Variants in NEK11 observed in about 807,000 individuals in gnomAD.
The protein encoded by NEK11 is serine/threonine-protein kinase Nek11.
Under a neutral mutation model 80.7 loss-of-function variants are expected in NEK11, and 72 were observed. The ratio of observed to expected loss-of-function variants is 0.89; its 90% CI spans 0.74 to 1.08. The LOEUF is 1.08. NEK11 is among the 50% of genes least tolerant of loss of function. The pLI is 0.00. For missense variants in NEK11, 764 were observed against 763.6 expected (o/e 1.00, Z -0.01); for synonymous variants, 251 against 260.7 (o/e 0.96, Z 0.36).
chr3:131,123,754 TG>T (rs773492008), intron 5 of NEK11, among the ~76,000 whole-genome samples: 2 of 152,096 alleles, frequency 1.3e-5, no homozygotes, highest in Non-Finnish European at 2.9e-5. Flanking sequence ...CCAAGTCTTC[TG>T]GTGGGCTCCT....
chr3:131,287,471 G>A (rs966887687), intron 17 of NEK11, among the ~76,000 whole-genome samples: 1 of 151,964 alleles, frequency 6.6e-6, no homozygotes, highest in Admixed American at 6.6e-5. Context: ...ATGGGGTTTC[G>A]CCATGTTGGC....
chr3:131,123,588 A>G (rs190104400), intron 5 of NEK11, among the ~76,000 whole-genome samples: 2 of 152,248 alleles, frequency 1.3e-5, no homozygotes, highest in South Asian at 2.1e-4. Context: ...AACATATTGT[A>G]TGCCTTATTC....
At chr3:131,205,740 CT>C (rs1263399723) in intron 14 of NEK11, among the ~76,000 whole-genome samples, 1 of 152,162 alleles carries the variant, frequency 6.6e-6, no homozygotes, top group East Asian at 1.9e-4. Context: ...AAAGTTAGGC[CT>C]TGTGGACCTC....
intron 3 of NEK11, among the ~76,000 whole-genome samples, chr3:131,055,360 G>A (rs2069263844): frequency 6.6e-6 from 1 of 152,142 alleles, no homozygotes; most frequent in Non-Finnish European, 1.5e-5. Context: ...TCTCAGGGAG[G>A]GGACAGTCTA....
chr3:131,302,079 A>G (rs184078209), intron 17 of NEK11, among the ~76,000 whole-genome samples: 4 of 152,024 alleles, frequency 2.6e-5, no homozygotes, highest in East Asian at 1.9e-4. Flanking sequence ...TCCTGGTTCA[A>G]TGTTGGGAGG....
chr3:131,176,982 A>G (rs528197413), intron 14 of NEK11, among the ~76,000 whole-genome samples: 3 of 152,368 alleles, frequency 2.0e-5, no homozygotes, highest in South Asian at 4.1e-4. Flanking sequence ...AGAAAATTAA[A>G]TAAGTATCAA....
At chr3:131,226,828 G>GTTCTA (rs2095214180) in intron 14 of NEK11, among the ~76,000 whole-genome samples, 1 of 152,002 alleles carries the variant, frequency 6.6e-6, no homozygotes, top group Non-Finnish European at 1.5e-5. Context: ...AGGTATTGAA[G>GTTCTA]TTCTATATGC....
intron 3 of NEK11, among the ~76,000 whole-genome samples, chr3:131,064,344 C>T (rs1311346742): frequency 6.6e-6 from 1 of 152,120 alleles, no homozygotes; most frequent in African/African-American, 2.4e-5. Flanking sequence ...TGATTTTTTT[C>T]TGAGGCTGCT....
chr3:131,050,916 G>A (rs1349772300), intron 3 of NEK11, among the ~76,000 whole-genome samples: 1 of 152,122 alleles, frequency 6.6e-6, no homozygotes, highest in Non-Finnish European at 1.5e-5. Context: ...GTCTGTCCCA[G>A]CTACTCGGAA....
chr3:131,161,043 C>T (rs1331278843), intron 10 of NEK11, among the ~76,000 whole-genome samples: 3 of 150,466 alleles, frequency 2.0e-5, no homozygotes, highest in South Asian at 2.1e-4. Flanking sequence ...ATTAGCTGGG[C>T]GTGGTAGCGT....
intron 4 of NEK11, among the ~76,000 whole-genome samples, chr3:131,108,252 T>C (rs554439103): frequency 6.6e-6 from 1 of 152,262 alleles, no homozygotes; most frequent in South Asian, 2.1e-4. Flanking sequence ...CCTCATATTG[T>C]TTCATTAGAA....
In NEK11 at chr3:131,132,727, CT is replaced by C; in HGVS notation, c.456-12del. On this transcript the variant is annotated splice_polypyrimidine_tract_variant and intron_variant, in intron 5 of 17. Transcript: ENST00000383366. The stretch of plus-strand genomic sequence containing the variant: ...TTATATTCTGCATGAAGTTGTATAT[CT>C]TTTTTGCCTTTTGTAGGAGGATACT... The C allele has an allele frequency of 7.1e-6, 10 of 1,406,182 alleles. No homozygotes were observed. Among genetic ancestry groups the C allele is most frequent in the Middle Eastern group, 1.8e-4 (1 of 5,598 alleles). The allele number at this position is 1,406,182 out of a possible 1,614,324, so 87.1% of individuals were successfully genotyped here. A position where few individuals can be genotyped will look rare whatever the true frequency, so the allele number is the denominator to read the frequency against.
intron 10 of NEK11, among the ~76,000 whole-genome samples, chr3:131,160,166 AG>A (rs2091340327): frequency 6.6e-6 from 1 of 152,210 alleles, no homozygotes; most frequent in South Asian, 2.1e-4. Flanking sequence ...AAAATTTTAA[AG>A]GCAGTTGGAG....
At chr3:131,201,859 G>C (rs1198117604) in intron 14 of NEK11, among the ~76,000 whole-genome samples, 1 of 152,000 alleles carries the variant, frequency 6.6e-6, no homozygotes, top group Non-Finnish European at 1.5e-5. Flanking sequence ...TTTTGAGACA[G>C]AGTCTCGTTC....
At chr3:131,162,967 A>G (rs916415982) in intron 11 of NEK11, among the ~76,000 whole-genome samples, 2 of 152,332 alleles carry the variant, frequency 1.3e-5, no homozygotes, top group African/African-American at 4.8e-5. Flanking sequence ...GAAGAAGTAG[A>G]CTGGAAACAG....
intron 17 of NEK11, among the ~76,000 whole-genome samples, chr3:131,296,901 A>AAT (rs2096599875): frequency 2.6e-5 from 4 of 151,432 alleles, no homozygotes; most frequent in Non-Finnish European, 5.9e-5. Context: ...TATGAGTGAG[A>AAT]ATATGCCGTG....
intron 14 of NEK11, chr3:131,184,663 C>A: frequency 3.1e-6 from 2 of 641,944 alleles, no homozygotes; most frequent in Non-Finnish European, 4.6e-6. Flanking sequence ...TTGTGTGCAT[C>A]ACTGTTCATC....
intron 17 of NEK11, among the ~76,000 whole-genome samples, chr3:131,296,930 C>A (rs368414966): frequency 6.6e-6 from 1 of 151,542 alleles, no homozygotes; most frequent in African/African-American, 2.4e-5. Context: ...TTTGTTCTTG[C>A]GATAGTTTAC....
At chr3:131,088,565 A>G (rs1490562158) in intron 4 of NEK11, among the ~76,000 whole-genome samples, 1 of 151,996 alleles carries the variant, frequency 6.6e-6, no homozygotes, top group Admixed American at 6.5e-5. Context: ...AATCACACTA[A>G]TTTATTTCAA....
Sources: allele counts gnomAD v4.1 joint callset (sites outside exome capture counted in the v4.1 genomes callset), GRCh38; gene constraint gnomAD v4.1.1; transcripts MANE v1.5; gene names NCBI Gene and HGNC (gene_info 2026-07-23, HGNC 2026-07-21).